The following NR2F1-AS1 variants were observed in gnomAD, a reference collection of about 807,000 sequenced individuals.
NR2F1-AS1 encodes NR2F1 antisense RNA 1.
intron 4 of NR2F1-AS1, among the ~76,000 whole-genome samples, chr5:93,464,983 G>C (rs1750195006): frequency 6.6e-6 from 1 of 152,200 alleles, no homozygotes; most frequent in Admixed American, 6.5e-5. Context: ...CATTCCTACA[G>C]TGGTATTTAT....
chr5:93,430,399 C>G (rs536432998), intron 4 of NR2F1-AS1, among the ~76,000 whole-genome samples: 1 of 152,272 alleles, frequency 6.6e-6, no homozygotes, highest in South Asian at 2.1e-4. Context: ...TGCTTTGCAA[C>G]GCTGCCTGAC....
chr5:93,556,202 C>T (rs557075668), intron 2 of NR2F1-AS1, among the ~76,000 whole-genome samples: 2 of 152,256 alleles, frequency 1.3e-5, no homozygotes, highest in East Asian at 1.9e-4. Context: ...ATCTCAAACA[C>T]GCATTACCTG....
intron 1 of NR2F1-AS1, among the ~76,000 whole-genome samples, chr5:93,572,224 C>A (rs1752786363): frequency 6.6e-6 from 1 of 152,220 alleles, no homozygotes; most frequent in East Asian, 1.9e-4. Flanking sequence ...CTCACACGGG[C>A]GCGTGCCTCT....
chr5:93,455,832 T>TACACACACACGCACACAC (rs1314231924), intron 4 of NR2F1-AS1, among the ~76,000 whole-genome samples: 2 of 144,486 alleles, frequency 1.4e-5, no homozygotes, highest in Non-Finnish European at 3.0e-5. Flanking sequence ...CCATGTTAAC[T>TACACACACACGCACACAC]ACACACACAC....
intron 4 of NR2F1-AS1, among the ~76,000 whole-genome samples, chr5:93,456,696 A>G (rs1749954512): frequency 2.0e-5 from 3 of 151,744 alleles, no homozygotes; most frequent in South Asian, 4.2e-4. Flanking sequence ...AAGTGGGCCC[A>G]GGGAACCGGC....
At chr5:93,575,056 G>T (rs1172341953) in intron 1 of NR2F1-AS1, among the ~76,000 whole-genome samples, 6 of 152,266 alleles carry the variant, frequency 3.9e-5, no homozygotes, top group African/African-American at 7.2e-5. Flanking sequence ...ACAGCCCAGG[G>T]TCTCTGCGAT....
At chr5:93,425,139 C>T (rs548336995) in intron 4 of NR2F1-AS1, among the ~76,000 whole-genome samples, 5 of 152,244 alleles carry the variant, frequency 3.3e-5, no homozygotes, top group South Asian at 2.1e-4. Context: ...CAGTTAGTTC[C>T]GTCCGAGCTG....
chr5:93,505,147 G>T (rs1390114181), intron 4 of NR2F1-AS1, among the ~76,000 whole-genome samples: 1 of 152,102 alleles, frequency 6.6e-6, no homozygotes, highest in African/African-American at 2.4e-5. Context: ...CAGGGCCCAT[G>T]CAAGTCCAAA....
At chr5:93,431,375 T>C (rs553765584) in intron 4 of NR2F1-AS1, among the ~76,000 whole-genome samples, 6 of 152,252 alleles carry the variant, frequency 3.9e-5, no homozygotes, top group Admixed American at 2.6e-4. Context: ...GCTTTGAAAA[T>C]AGACGGATTT....
intron 4 of NR2F1-AS1, among the ~76,000 whole-genome samples, chr5:93,492,732 A>G (rs914414970): frequency 6.6e-6 from 1 of 152,202 alleles, no homozygotes; most frequent in African/African-American, 2.4e-5. Flanking sequence ...GTGGTTGAAC[A>G]TATGAAAATC....
chr5:93,439,905 T>C (rs983737988), intron 4 of NR2F1-AS1, among the ~76,000 whole-genome samples: 1 of 152,208 alleles, frequency 6.6e-6, no homozygotes. Flanking sequence ...TTAAATGATA[T>C]ATTTGCTTAT....
At chr5:93,441,618 T>C (rs1749573091) in intron 4 of NR2F1-AS1, among the ~76,000 whole-genome samples, 1 of 152,196 alleles carries the variant, frequency 6.6e-6, no homozygotes, top group African/African-American at 2.4e-5. Flanking sequence ...CTTTTAGATA[T>C]GGAAAACAAA....
chr5:93,523,232 G>T (rs140718107), intron 4 of NR2F1-AS1, among the ~76,000 whole-genome samples: 1 of 152,228 alleles, frequency 6.6e-6, no homozygotes, highest in East Asian at 1.9e-4. Context: ...AAAGCCTCTG[G>T]GAAGTTCCAA....
intron 4 of NR2F1-AS1, among the ~76,000 whole-genome samples, chr5:93,486,607 C>T (rs1750722830): frequency 1.3e-5 from 2 of 152,014 alleles, no homozygotes; most frequent in South Asian, 4.1e-4. Context: ...AATTAATAGC[C>T]TACCAACCAA....
At chr5:93,468,792 A>C (rs1750301514) in intron 4 of NR2F1-AS1, among the ~76,000 whole-genome samples, 1 of 152,214 alleles carries the variant, frequency 6.6e-6, no homozygotes, top group Non-Finnish European at 1.5e-5. Flanking sequence ...CTTACATTTA[A>C]GTCTTTAATC....
At chr5:93,564,176 C>G (rs1038210693) in intron 1 of NR2F1-AS1, among the ~76,000 whole-genome samples, 19 of 119,454 alleles carry the variant, frequency 1.6e-4, no homozygotes, top group African/African-American at 5.8e-4. Context: ...AGAATACTTA[C>G]AGCACAGACA....
At chr5:93,420,423 A>T (rs1749064886) in intron 4 of NR2F1-AS1, among the ~76,000 whole-genome samples, 1 of 152,118 alleles carries the variant, frequency 6.6e-6, no homozygotes, top group Admixed American at 6.6e-5. Flanking sequence ...AAGTAGGAGT[A>T]TTGTCTTTGT....
intron 4 of NR2F1-AS1, among the ~76,000 whole-genome samples, chr5:93,478,705 G>A (rs1225618844): frequency 1.3e-5 from 2 of 152,112 alleles, no homozygotes; most frequent in Non-Finnish European, 2.9e-5. Flanking sequence ...CCCAGCCAAA[G>A]GAGCAGTTTT....
At chr5:93,505,801 G>A (rs1011632994) in intron 4 of NR2F1-AS1, among the ~76,000 whole-genome samples, 9 of 152,216 alleles carry the variant, frequency 5.9e-5, no homozygotes, top group Non-Finnish European at 1.3e-4. Flanking sequence ...CGGGCCTCCA[G>A]GCTTGTGATG....
Sources: allele counts gnomAD v4.1 joint callset (sites outside exome capture counted in the v4.1 genomes callset), GRCh38; gene constraint gnomAD v4.1.1; transcripts MANE v1.5; gene names NCBI Gene and HGNC (gene_info 2026-07-23, HGNC 2026-07-21).